JMJD4: variants seen among roughly 807,000 people sequenced by gnomAD.
JMJD4 encodes the protein 2-oxoglutarate and iron-dependent oxygenase JMJD4.
A neutral mutation model predicts 36.3 loss-of-function variants in JMJD4; 34 were observed. That is an observed-to-expected ratio of 0.94 (90% CI 0.71 to 1.25). The LOEUF is 1.25. Among genes scored for constraint, JMJD4 ranks in the 50% most tolerant of loss-of-function variants. The probability of loss-of-function intolerance (pLI) is 0.00; values close to 1 mark genes in which losing one functional copy is unlikely to be tolerated. For missense variants in JMJD4, 584 were observed against 559.1 expected, an observed-to-expected ratio of 1.04 and a Z score of -0.45; for synonymous variants, 269 against 235.3, an observed-to-expected ratio of 1.14 and a Z score of -1.31.
At position 227,732,411 on chromosome 1, in the gene JMJD4, T is replaced by A. The variant is rs1173373257; in HGVS notation, c.1235A>T (p.Asp412Val). 15 of 1,612,620 alleles carry A rather than the reference T, an allele frequency of 9.3e-6. No individual in the cohort carries two copies. Among genetic ancestry groups the A allele is most frequent in the Non-Finnish European group, 1.3e-5 (15 of 1,179,990 alleles). ...CAGGTGCTATGGGGCCGCAGCAGCA[T>A]CAACAGCCTCTCTCAGCTGCTGCAG... ...ELLQQLREAVDAAAAP is the reference protein window; with the variant it reads ...ELLQQLREAVVAAAAP The change falls in exon 6 of 6, where the codon GAT becomes GTT. Residue 412 changes from aspartate (D) to valine (V), a missense_variant. By Grantham distance (152) the Asp-to-Val change is radical. Transcript: ENST00000620518.
Position 227,734,827 on chromosome 1 carries a change from A to T in JMJD4, c.263-11T>A, listed in dbSNP as rs767821199. 2 of 1,613,450 alleles carry T rather than the reference A, an allele frequency of 1.2e-6. No individual in the cohort carries two copies. Among genetic ancestry groups the T allele is most frequent in the South Asian group, 1.1e-5 (1 of 91,054 alleles). ...GTACAACCACGTCTCCTGAAATGAA[A>T]GGCACGGTCCATGCCATCTCCCTGG... On this transcript the variant is annotated splice_polypyrimidine_tract_variant and intron_variant, in intron 1 of 5. Coordinates refer to ENST00000620518, the MANE Select transcript of JMJD4 (RefSeq NM_023007.3).
At position 227,735,270 on chromosome 1, in the gene JMJD4, C is replaced by A. The variant is rs1284527512; in HGVS notation, c.4G>T (p.Asp2Tyr). The change falls in exon 1 of 6, where the codon GAC (aspartate) becomes TAC (tyrosine). Residue 2 changes from aspartate to tyrosine, a missense_variant. Coordinates refer to ENST00000620518, the MANE Select transcript of JMJD4 (RefSeq NM_023007.3). MDRETRALADSH... is the reference protein window; with the variant it reads MYRETRALADSH... ...TCGGCGAGGGCGCGCGTCTCGCGGT[C>A]CATCCAGCTCAGCACGGGTCGAAGG... 2 of 1,606,072 alleles carry A rather than the reference C, an allele frequency of 1.2e-6. No individual in the cohort carries two copies. Among genetic ancestry groups the A allele is most frequent in the Non-Finnish European group, 1.7e-6 (2 of 1,177,272 alleles).
Position 227,733,513 on chromosome 1 carries a change from G to C in JMJD4, c.723C>G (p.His241Gln). The C allele has an allele frequency of 6.2e-7, 1 of 1,600,842 alleles. No individual in the cohort carries two copies. ...TSPALCDTHL[H>Q]PRNQLAGPPL... ...GTGGGCCAGCAAGCTGGTTCCGTGG[G>C]TGCAGGTGTGTGTCGCAGAGTGCTG... is the stretch of plus-strand genomic sequence containing the variant. The change falls in exon 4 of 6, where the codon CAC (histidine) becomes CAG (glutamine). Residue 241 changes from histidine (H) to glutamine (Q), a missense_variant. His to Gln is a conservative substitution (Grantham distance 24, BLOSUM62 0). Coordinates refer to ENST00000620518, the MANE Select transcript of JMJD4 (RefSeq NM_023007.3).
At position 227,735,262 on chromosome 1, in the gene JMJD4, C is replaced by T. The variant is rs907386417; in HGVS notation, c.12G>A (p.Glu4=). 7 of 1,604,904 alleles carry T rather than the reference C, an allele frequency of 4.4e-6. No homozygotes were observed. The highest frequency in any genetic ancestry group is 1.7e-5 in the Admixed American group (1 of 59,510). The change falls in exon 1 of 6, where the codon GAG becomes GAA. Residue 4 remains glutamate (E), a synonymous_variant. Transcript: ENST00000620518. ...AGTGGCTGTCGGCGAGGGCGCGCGT[C>T]TCGCGGTCCATCCAGCTCAGCACGG... MDR[E]TRALADSHFR...
chr1:227,732,251 G>A lies in JMJD4; in HGVS notation c.*141C>T. Reference sequence around the variant, plus strand: ...GCCTCACCTGAAAACAGGCACCCAGGCAGTGGCCATGAACAGCCAGGCCAC... The same window carrying A: ...GCCTCACCTGAAAACAGGCACCCAGACAGTGGCCATGAACAGCCAGGCCAC... On this transcript the variant is annotated 3_prime_UTR_variant, in exon 6 of 6. Transcript: ENST00000620518. 1.0e-6 allele frequency: 1 copy of A among 954,358 alleles called. No homozygotes were observed. The allele number at this position is 954,358 out of a possible 1,614,324, so 59.1% of individuals were successfully genotyped here.
At position 227,734,933 on chromosome 1, in the gene JMJD4, CCT is replaced by C. The variant is rs1050352671; in HGVS notation, c.262+77_262+78del. On this transcript the variant is annotated intron_variant, in intron 1 of 5. Coordinates refer to ENST00000620518, the MANE Select transcript of JMJD4 (RefSeq NM_023007.3). ...GGCCTCCCTCACCCTCCCTGGTGCC[CCT>C]CTCTAGGCGGGGGCCTCCCGGGCCT... 3 of 1,513,362 alleles carry C rather than the reference CCT, an allele frequency of 2.0e-6. No individual in the cohort carries two copies. In the African/African-American group the frequency reaches 4.1e-5, roughly 21 times the overall value. The allele number at this position is 1,513,362 out of a possible 1,614,324, so 93.7% of individuals were successfully genotyped here. A position where few individuals can be genotyped will look rare whatever the true frequency, so the allele number is the denominator to read the frequency against.
chr1:227,733,218 C>T (rs1232277837), intron 4 of JMJD4, 191 bp from the exon 5 acceptor site: 2 of 854,810 alleles, frequency 2.3e-6, no homozygotes, highest in African/African-American at 1.7e-5. Flanking sequence ...CACAGTGAAC[C>T]CAGAGCAAGT....
At position 227,735,063 on chromosome 1, in the gene JMJD4, A is replaced by G; in HGVS notation, c.211T>C (p.Trp71Arg). ...TCGGGCCTCCCCGCGGGCGTCACCC[A>G]GCGCCGCCGGCTGCCCCAGCCCTGC... ...FTQGWGSRRR[W>R]VTPAGRPDFD... The change falls in exon 1 of 6, where the codon TGG (tryptophan) becomes CGG (arginine). Residue 71 changes from tryptophan to arginine, a missense_variant. Trp to Arg is a moderately radical substitution (Grantham distance 101, BLOSUM62 -3). Transcript: ENST00000620518. The G allele has an allele frequency of 2.6e-6, 4 of 1,559,978 alleles. No homozygotes were observed. The highest frequency in any genetic ancestry group is 3.5e-6 in the Non-Finnish European group (4 of 1,153,504).
chr1:227,732,760 G>A, intron 5 of JMJD4, 84 bp from the exon 6 acceptor site: 2 of 1,589,706 alleles, frequency 1.3e-6, no homozygotes, highest in East Asian at 2.2e-5. Flanking sequence ...CAGTCCCCAA[G>A]GACGAAGAAG....
At chr1:227,734,594 C>G in intron 2 of JMJD4, 57 bp downstream of exon 2, 4 of 1,581,862 alleles carry the variant, frequency 2.5e-6, no homozygotes, top group Non-Finnish European at 3.5e-6. Context: ...AGAAAGGCCT[C>G]TGGGTTCACG....
rs538931497 is a variant in JMJD4, at chr1:227,733,519, G to A, written c.717C>T (p.His239=). ...DVTSPALCDT[H]LHPRNQLAGP... ...CAGCAAGCTGGTTCCGTGGGTGCAGGTGTGTGTCGCAGAGTGCTGGGGAGG... is the reference window on the plus strand; with the variant it reads ...CAGCAAGCTGGTTCCGTGGGTGCAGATGTGTGTCGCAGAGTGCTGGGGAGG... The change falls in exon 4 of 6, where the codon CAC becomes CAT. Residue 239 remains histidine (H), a synonymous_variant. Transcript: ENST00000620518. The A allele has an allele frequency of 6.2e-7, 1 of 1,602,270 alleles. No homozygotes were observed. Among genetic ancestry groups the A allele is most frequent in the Non-Finnish European group, 8.5e-7 (1 of 1,174,118 alleles).
intron 2 of JMJD4, 192 bp downstream of exon 2, chr1:227,734,459 C>A (rs528036331): frequency 5.2e-5 from 25 of 477,944 alleles, no homozygotes; most frequent in Middle Eastern, 5.7e-4. Context: ...GGAAAAAAAA[C>A]CATATTGACC....
Position 227,733,969 on chromosome 1 carries a change from C to T in JMJD4, c.492G>A (p.Glu164=), listed in dbSNP as rs745862050. The T allele has an allele frequency of 2.5e-6, 4 of 1,613,860 alleles. No individual in the cohort carries two copies. In the Admixed American group the frequency reaches 6.7e-5, roughly 27 times the overall value. The part of the protein sequence containing the change: ...PVYFSSDWLN[E]FWDALDVDDY... Reference sequence around the variant, plus strand: ...CATCCACATCCAGTGCATCCCAGAACTCATTCAGCCAGTCGGACGAGAAGT... The same window carrying T: ...CATCCACATCCAGTGCATCCCAGAATTCATTCAGCCAGTCGGACGAGAAGT... The change falls in exon 3 of 6, where the codon GAG becomes GAA. Residue 164 remains glutamate (E), a synonymous_variant. Coordinates refer to ENST00000620518, the MANE Select transcript of JMJD4 (RefSeq NM_023007.3).
rs146263533 is a variant in JMJD4 at position 227,734,482 on chromosome 1, A to C, written c.428+169T>G. On this transcript the variant is annotated intron_variant, in intron 2 of 5. Transcript: ENST00000620518. ...AACCATATTGACCTCCCAAAGAACA[A>C]CACTTGCAGCCATGCGGAAGACAAT... The C allele has an allele frequency of 1.6e-3, 958 of 592,220 alleles. 15 individuals carry two copies. The East Asian group carries it at 0.024, about 15-fold the overall frequency. 36.7% of individuals were successfully genotyped at this position (592,220 alleles called of 1,614,324 possible). A position where few individuals can be genotyped will look rare whatever the true frequency, so the allele number is the denominator to read the frequency against.
In JMJD4 at chr1:227,732,283, C is replaced by A; in HGVS notation, c.*109G>T. The stretch of plus-strand genomic sequence containing the variant: ...CCATGAACAGCCAGGCCACAAGCCT[C>A]GACAGGGGTGGGCCCCAGGTCACAG... On this transcript the variant is annotated 3_prime_UTR_variant, in exon 6 of 6. Transcript: ENST00000620518. The A allele has an allele frequency of 5.3e-6, 7 of 1,329,128 alleles. No homozygotes were observed. The highest frequency in any genetic ancestry group is 7.4e-6 in the Non-Finnish European group (7 of 947,616). The allele number at this position is 1,329,128 out of a possible 1,614,324, so 82.3% of individuals were successfully genotyped here.
Position 227,733,675 on chromosome 1 carries a change from C to T in JMJD4, c.561G>A (p.Pro187=), listed in dbSNP as rs754677509. ...AGGAGCGGAAGATGTCAGCATGGAA[C>T]GGGGACCTGCGGCAGCAAGAGCGCC... The part of the protein sequence containing the change: ...VYAGPAGSWS[P]FHADIFRSFS... The change falls in exon 4 of 6, where the codon CCG becomes CCA. Residue 187 remains proline, a synonymous_variant. Coordinates refer to ENST00000620518, the MANE Select transcript of JMJD4 (RefSeq NM_023007.3). 5.6e-6 allele frequency: 9 copies of T among 1,600,082 alleles called. No individual in the cohort carries two copies. The highest frequency in any genetic ancestry group is 3.3e-5 in the Admixed American group (2 of 59,910).
intron 2 of JMJD4, 152 bp from the exon 3 acceptor site, chr1:227,734,184 C>A: frequency 1.2e-6 from 1 of 847,632 alleles, no homozygotes; most frequent in Non-Finnish European, 1.8e-6. Context: ...CTGAGCCAGA[C>A]GCTGCTGGCG....
rs3088389 is a variant in JMJD4, at chr1:227,731,489, G to A, written c.*903C>T. 0.27 allele frequency: 41,774 copies of A among 152,120 alleles called. 6,213 individuals are homozygous for A. Among genetic ancestry groups the A allele is most frequent in the African/African-American group, 0.39 (16,141 of 41,474 alleles). 9.4% of individuals were successfully genotyped at this position (152,120 alleles called of 1,614,324 possible). A position where few individuals can be genotyped will look rare whatever the true frequency, so the allele number is the denominator to read the frequency against. On this transcript the variant is annotated 3_prime_UTR_variant, in exon 6 of 6. Transcript: ENST00000620518. ...CTCTCGGTCAAGGACAGGGCTGGGA[G>A]AGTGCCAGTCTCCACAAACTGTGGA...
rs777411152 is a variant in JMJD4 at position 227,733,690 on chromosome 1, G to C, written c.555-9C>G. The C allele has an allele frequency of 9.4e-6, 15 of 1,599,550 alleles. No homozygotes were observed. The highest frequency in any genetic ancestry group is 1.2e-5 in the Non-Finnish European group (14 of 1,179,856). On this transcript the variant is annotated splice_polypyrimidine_tract_variant and intron_variant, in intron 3 of 5. Transcript: ENST00000620518. ...CAGCATGGAACGGGGACCTGCGGCAGCAAGAGCGCCTGGTTCATGCCTGTA... is the reference window on the plus strand; with the variant it reads ...CAGCATGGAACGGGGACCTGCGGCACCAAGAGCGCCTGGTTCATGCCTGTA...
Sources: gnomAD v4.1 joint callset for allele counts on GRCh38, gnomAD v4.1.1 for gene constraint, MANE v1.5 for transcripts, NCBI Gene and HGNC (gene_info 2026-07-23, HGNC 2026-07-21) for gene names.